Variants in LEPROTL1 observed in about 807,000 individuals in gnomAD.
LEPROTL1 encodes the protein leptin receptor overlapping transcript-like 1.
In LEPROTL1, 6 loss-of-function variants were observed where a neutral mutation model predicts 15.4. The observed-to-expected ratio is 0.39, with a 90% CI of 0.21 to 0.77. The LOEUF (loss-of-function observed/expected upper bound fraction) is 0.77, where lower values mean the gene tolerates loss of function less well. Ranked by LOEUF, LEPROTL1 falls within the 30% of genes least tolerant of loss-of-function variation. The pLI is 0.41. For missense variants in LEPROTL1, 128 were observed against 158.1 expected (o/e 0.81, Z 1.02); for synonymous variants, 56 against 52.6 (o/e 1.06, Z -0.28).
downstream of LEPROTL1, among the ~76,000 whole-genome samples, chr8:30,112,462 G>T (rs1802669844): frequency 8.8e-6 from 1 of 113,042 alleles, no homozygotes; most frequent in African/African-American, 3.5e-5. Flanking sequence ...GTTTCACCAT[G>T]TTGGCCAGGC....
chr8:30,117,822 G>T, intron 3 of LEPROTL1: 1 of 653,124 alleles, frequency 1.5e-6, no homozygotes, highest in East Asian at 2.5e-5. Context: ...GTGAGACCCT[G>T]TTTCTATAAA....
chr8:30,110,455 G>C (rs1298332333), downstream of LEPROTL1, among the ~76,000 whole-genome samples: 1 of 152,108 alleles, frequency 6.6e-6, no homozygotes, highest in South Asian at 2.1e-4. Context: ...GCTGGGCATG[G>C]TGGCTCACAC....
intron 3 of LEPROTL1, among the ~76,000 whole-genome samples, chr8:30,130,781 A>T (rs201763524): frequency 0.014 from 1,872 of 134,056 alleles, 21 homozygotes; most frequent in Non-Finnish European, 0.021. Context: ...TCAAAAAAAA[A>T]TTTTTTTTTT....
intron 2 of LEPROTL1, among the ~76,000 whole-genome samples, chr8:30,102,333 TA>T (rs11463597): frequency 6.6e-6 from 1 of 150,398 alleles, no homozygotes; most frequent in African/African-American, 2.4e-5. Context: ...AAAACACAAT[TA>T]AAAAAAAAGA....
chr8:30,109,973 A>G (rs768195181), downstream of LEPROTL1, among the ~76,000 whole-genome samples: 4 of 152,102 alleles, frequency 2.6e-5, no homozygotes, highest in Non-Finnish European at 4.4e-5. Flanking sequence ...AATTAAGTTT[A>G]CTACACTTTA....
chr8:30,106,605 T>C lies in LEPROTL1; in HGVS notation c.*743T>C. Reference sequence around the variant, plus strand: ...GTGTAAAAACATTTTTGAGATAAGGTTTTTATTTATGTTTATTATTGTTAG... The same window carrying C: ...GTGTAAAAACATTTTTGAGATAAGGCTTTTATTTATGTTTATTATTGTTAG... On this transcript the variant is annotated 3_prime_UTR_variant, in exon 4 of 4. Coordinates refer to ENST00000321250, the MANE Select transcript of LEPROTL1 (RefSeq NM_015344.3). The C allele has an allele frequency of 1.0e-6, 1 of 983,410 alleles. No homozygotes were observed. The highest frequency in any genetic ancestry group is 1.2e-6 in the Non-Finnish European group (1 of 827,792). 60.9% of individuals were successfully genotyped at this position (983,410 alleles called of 1,614,324 possible). A position where few individuals can be genotyped will look rare whatever the true frequency, so the allele number is the denominator to read the frequency against.
chr8:30,102,084 T>G, intron 2 of LEPROTL1, 111 bp downstream of exon 2: 1 of 614,998 alleles, frequency 1.6e-6, no homozygotes, highest in Non-Finnish European at 2.8e-6. Context: ...AAATGTTCAC[T>G]TACCAAACAC....
At chr8:30,113,894 G>A (rs895284526) in intron 3 of LEPROTL1, among the ~76,000 whole-genome samples, 5 of 152,102 alleles carry the variant, frequency 3.3e-5, no homozygotes, top group Admixed American at 2.6e-4. Flanking sequence ...GGAATACACC[G>A]AAGCTCCGTT....
At chr8:30,099,308 C>G (rs899520845) in intron 1 of LEPROTL1, among the ~76,000 whole-genome samples, 1 of 151,886 alleles carries the variant, frequency 6.6e-6, no homozygotes, top group African/African-American at 2.4e-5. Flanking sequence ...AAAAACTTCA[C>G]TGAGGCCAGG....
intron 4 of LEPROTL1, chr8:30,132,691 T>G: frequency 6.4e-7 from 1 of 1,551,718 alleles, no homozygotes; most frequent in South Asian, 1.2e-5. Flanking sequence ...AACACGAGCC[T>G]GAAATCGCTG....
At chr8:30,114,460 T>G (rs1339111833) in intron 3 of LEPROTL1, among the ~76,000 whole-genome samples, 2 of 151,920 alleles carry the variant, frequency 1.3e-5, no homozygotes, top group Non-Finnish European at 2.9e-5. Flanking sequence ...TCAACTCATT[T>G]TTGTATTTTT....
rs531629616 is a variant in LEPROTL1, at chr8:30,099,667, G to GA, written c.17-2227dup. 2.5e-4 allele frequency among the ~76,000 whole-genome samples: 38 copies of GA among 150,270 alleles called. 1 individual carries two copies. The East Asian group carries it at 5.9e-3, about 23-fold the overall frequency. ...TCACTGGTTGAGCTGAGATCTGAAG[G>GA]AAAAGCAGGAGTTAAGTTGGAGGAA... On this transcript the variant is annotated intron_variant, in intron 1 of 3. Coordinates refer to ENST00000321250, the MANE Select transcript of LEPROTL1 (RefSeq NM_015344.3).
At chr8:30,096,074 A>T (rs1802359950) in intron 1 of LEPROTL1, 1 of 163,186 alleles carries the variant, frequency 6.1e-6, no homozygotes, top group Non-Finnish European at 1.3e-5. Context: ...AAACGGGTGC[A>T]TTTTCATCTG....
chr8:30,109,740 A>C (rs1337679682), downstream of LEPROTL1, among the ~76,000 whole-genome samples: 1 of 152,214 alleles, frequency 6.6e-6, no homozygotes, highest in African/African-American at 2.4e-5. Context: ...CAAGCTTATT[A>C]AATCAATTAT....
At chr8:30,131,321 T>C (rs1239211346) in intron 3 of LEPROTL1, among the ~76,000 whole-genome samples, 5 of 149,156 alleles carry the variant, frequency 3.4e-5, no homozygotes, top group African/African-American at 1.2e-4. Flanking sequence ...TATATATATA[T>C]ACACATATAT....
rs1491288246 is a variant in LEPROTL1 at position 30,129,757 on chromosome 8, A to AC, written c.280-2618_280-2617insC. ...CACACACACACACACACACACACAC[A>AC]AAGAACTACCTGAGACTGGGTAATT... On this transcript the variant is annotated intron_variant, in intron 3 of 4. Coordinates refer to the LEPROTL1 transcript ENST00000442880. Among the ~76,000 whole-genome samples, 2,209 of 145,646 alleles carry AC rather than the reference A, an allele frequency of 0.015. 83 individuals are homozygous for AC. In the East Asian group the frequency reaches 0.17, roughly 11 times the overall value.
At chr8:30,136,643 T>G (rs144605431) in intron 4 of LEPROTL1, among the ~76,000 whole-genome samples, 42 of 152,098 alleles carry the variant, frequency 2.8e-4, no homozygotes, top group Middle Eastern at 6.8e-3. Flanking sequence ...CATTTGGTAC[T>G]TCCTACGCCC....
chr8:30,107,324 G>A lies in LEPROTL1; in HGVS notation c.*1462G>A. 1.0e-6 allele frequency: 1 copy of A among 985,724 alleles called. No individual in the cohort carries two copies. Among genetic ancestry groups the A allele is most frequent in the Non-Finnish European group, 1.2e-6 (1 of 829,848 alleles). The allele number at this position is 985,724 out of a possible 1,614,324, so 61.1% of individuals were successfully genotyped here. On this transcript the variant is annotated 3_prime_UTR_variant, in exon 4 of 4. Coordinates refer to ENST00000321250, the MANE Select transcript of LEPROTL1 (RefSeq NM_015344.3). ...ATAATTATCAGGACTTTTTTCAGGAGTGGGTTATAAAAACATTCAAGTTGG... is the reference window on the plus strand; with the variant it reads ...ATAATTATCAGGACTTTTTTCAGGAATGGGTTATAAAAACATTCAAGTTGG...
At chr8:30,119,676 G>A (rs1343803017) in intron 3 of LEPROTL1, among the ~76,000 whole-genome samples, 1 of 152,174 alleles carries the variant, frequency 6.6e-6, no homozygotes, top group Non-Finnish European at 1.5e-5. Flanking sequence ...GTTAGGATAT[G>A]AATTTTAGGG....
Sources: allele counts gnomAD v4.1 joint callset (sites outside exome capture counted in the v4.1 genomes callset), GRCh38; gene constraint gnomAD v4.1.1; transcripts MANE v1.5; gene names NCBI Gene and HGNC (gene_info 2026-07-23, HGNC 2026-07-21).